The following SUPT5H variants were observed in gnomAD, a reference collection of about 807,000 sequenced individuals.
The protein encoded by SUPT5H is transcription elongation factor SPT5.
In SUPT5H, 24 loss-of-function variants were observed where a neutral mutation model predicts 142.5. That is an observed-to-expected ratio of 0.17 (90% CI 0.12 to 0.24). The LOEUF (loss-of-function observed/expected upper bound fraction) is 0.24. Among genes scored for constraint, SUPT5H ranks in the 10% least tolerant of loss-of-function variants. The pLI is 1.00. For synonymous variants in SUPT5H, 546 were observed against 553.0 expected (o/e 0.99, Z 0.18); for missense variants, 893 against 1,471.8 (o/e 0.61, Z 6.43).
chr19:39,446,634 C>G (rs2078957703), intron 2 of SUPT5H, among the ~76,000 whole-genome samples: 1 of 152,154 alleles, frequency 6.6e-6, no homozygotes, highest in African/African-American at 2.4e-5. Flanking sequence ...AGAGGCCAAG[C>G]TGGGAGGATC....
In SUPT5H at chr19:39,474,725, G is replaced by A. The variant is rs768757761; in HGVS notation, c.3024+7G>A. On this transcript the variant is annotated splice_region_variant and intron_variant, in intron 28 of 29. Coordinates refer to ENST00000432763, the MANE Select transcript of SUPT5H (RefSeq NM_001111020.3). This position sits in a 1 kb window ranked among gnomAD's most constrained non-coding sequence, Gnocchi z 6.5. ...TGTCATCCGCAGTGTCACGGTACGT[G>A]GGGCCCAGGGTGGTGGGTGAGCAGG... 1 of 1,604,874 alleles carries A rather than the reference G, an allele frequency of 6.2e-7. No homozygotes were observed. Among genetic ancestry groups the A allele is most frequent in the African/African-American group, 1.3e-5 (1 of 74,736 alleles).
intron 2 of SUPT5H, among the ~76,000 whole-genome samples, chr19:39,446,576 G>A (rs978750690): frequency 1.3e-5 from 2 of 152,186 alleles, no homozygotes; most frequent in East Asian, 3.9e-4. Context: ...ACCAGCAGGT[G>A]CAGAGATGGG....
chr19:39,458,682 T>G lies in SUPT5H; in HGVS notation c.320-136T>G, dbSNP rs972730040. The stretch of plus-strand genomic sequence containing the variant: ...GTAGGACAGAGTAGGGGATGAGGGG[T>G]TGGGATTTCCTCTGTGAGATGTCAT... On this transcript the variant is annotated intron_variant, in intron 5 of 29. Coordinates refer to ENST00000432763, the MANE Select transcript of SUPT5H (RefSeq NM_001111020.3). This position sits in a 1 kb window ranked among gnomAD's most constrained non-coding sequence, Gnocchi z 4.2. 2 of 829,590 alleles carry G rather than the reference T, an allele frequency of 2.4e-6. No individual in the cohort carries two copies. Among genetic ancestry groups the G allele is most frequent in the African/African-American group, 1.7e-5 (1 of 57,802 alleles). The allele number at this position is 829,590 out of a possible 1,614,324, so 51.4% of individuals were successfully genotyped here. A position where few individuals can be genotyped will look rare whatever the true frequency, so the allele number is the denominator to read the frequency against.
intron 10 of SUPT5H, among the ~76,000 whole-genome samples, chr19:39,462,986 C>A (rs914412331): frequency 2.0e-5 from 3 of 149,676 alleles, no homozygotes; most frequent in African/African-American, 7.4e-5. Flanking sequence ...ATTACAGGCA[C>A]CCACCACCAT....
rs1022884516 is a variant in SUPT5H, at chr19:39,469,705, CTTTG to C, written c.1374+312_1374+315del. ...AACCAAGGAGTAATCTGAGGCTTGA[CTTTG>C]TTTGCTTAGAGCGGGGTGTGTGTTT... On this transcript the variant is annotated intron_variant, in intron 16 of 29. Coordinates refer to ENST00000432763, the MANE Select transcript of SUPT5H (RefSeq NM_001111020.3). This position sits in a 1 kb window ranked among gnomAD's most constrained non-coding sequence, Gnocchi z 5.1. 1.2e-4 allele frequency: 63 copies of C among 513,730 alleles called. No homozygotes were observed. Among genetic ancestry groups the C allele is most frequent in the African/African-American group, 1.1e-3 (58 of 52,106 alleles). The allele number at this position is 513,730 out of a possible 1,614,324, so 31.8% of individuals were successfully genotyped here. A position where few individuals can be genotyped will look rare whatever the true frequency, so the allele number is the denominator to read the frequency against.
chr19:39,463,505 C>T (rs946705126), intron 10 of SUPT5H, among the ~76,000 whole-genome samples: 3 of 152,192 alleles, frequency 2.0e-5, no homozygotes, highest in African/African-American at 4.8e-5. Flanking sequence ...TTTACTGAGA[C>T]GTGTTTTATG....
intron 7 of SUPT5H, 35 bp from the exon 8 acceptor site, chr19:39,459,149 G>A (rs2079128539): frequency 1.9e-6 from 3 of 1,611,782 alleles, no homozygotes; most frequent in South Asian, 2.2e-5. Context: ...ATCTGACAGA[G>A]CTTCACCCCT....
At chr19:39,464,358 A>G (rs1306402579) in intron 10 of SUPT5H, among the ~76,000 whole-genome samples, 1 of 150,248 alleles carries the variant, frequency 6.7e-6, no homozygotes, top group African/African-American at 2.5e-5. Context: ...TCTAATTTTT[A>G]TTTTATTTTT....
At position 39,458,037 on chromosome 19, in the gene SUPT5H, A is replaced by T; in HGVS notation, c.308-257A>T. 1.4e-6 allele frequency: 1 copy of T among 725,802 alleles called. No individual in the cohort carries two copies. The highest frequency in any genetic ancestry group is 2.3e-6 in the Non-Finnish European group (1 of 443,596). 45.0% of individuals were successfully genotyped at this position (725,802 alleles called of 1,614,324 possible). A position where few individuals can be genotyped will look rare whatever the true frequency, so the allele number is the denominator to read the frequency against. ...CGAGCTCTGTCCCAAGATACCCCCC[A>T]CTTCCTGGGCCAGTGCCCCCCTTTC... On this transcript the variant is annotated intron_variant, in intron 4 of 29. Coordinates refer to ENST00000432763, the MANE Select transcript of SUPT5H (RefSeq NM_001111020.3). The surrounding 1 kb of genome is among the most constrained non-coding windows in gnomAD (Gnocchi z 4.2).
chr19:39,466,631 G>C lies in SUPT5H; in HGVS notation c.967-44G>C. The C allele has an allele frequency of 6.2e-7, 1 of 1,613,406 alleles. No homozygotes were observed. Among genetic ancestry groups the C allele is most frequent in the Non-Finnish European group, 8.5e-7 (1 of 1,179,336 alleles). On this transcript the variant is annotated intron_variant, in intron 12 of 29. Coordinates refer to ENST00000432763, the MANE Select transcript of SUPT5H (RefSeq NM_001111020.3). This position sits in a 1 kb window ranked among gnomAD's most constrained non-coding sequence, Gnocchi z 4.3. ...TGTGCTCGATCCCACTGGTGGCCAA[G>C]CCCCCTCCCTCACCCTTCCCACCCA...
intron 10 of SUPT5H, among the ~76,000 whole-genome samples, chr19:39,462,154 C>A (rs1429879112): frequency 2.0e-5 from 3 of 152,128 alleles, no homozygotes; most frequent in African/African-American, 7.2e-5. Flanking sequence ...AGTGATCCAC[C>A]CGCCTTGGCC....
chr19:39,461,303 G>A (rs534536607), intron 10 of SUPT5H, among the ~76,000 whole-genome samples: 3 of 151,588 alleles, frequency 2.0e-5, no homozygotes, highest in East Asian at 2.0e-4. Context: ...GTGGGTAGGG[G>A]GTGGAATGTC....
At chr19:39,464,532 G>A (rs1179026604) in intron 10 of SUPT5H, among the ~76,000 whole-genome samples, 1 of 152,062 alleles carries the variant, frequency 6.6e-6, no homozygotes, top group African/African-American at 2.4e-5. Flanking sequence ...GCTAGTTTTT[G>A]TATTCTTTAA....
In SUPT5H at chr19:39,472,952, G is replaced by A; in HGVS notation, c.2155+23G>A. 1 of 1,611,852 alleles carries A rather than the reference G, an allele frequency of 6.2e-7. No homozygotes were observed. Among genetic ancestry groups the A allele is most frequent in the South Asian group, 1.1e-5 (1 of 91,002 alleles). On this transcript the variant is annotated intron_variant, in intron 22 of 29. Coordinates refer to ENST00000432763, the MANE Select transcript of SUPT5H (RefSeq NM_001111020.3). The surrounding 1 kb of genome is among the most constrained non-coding windows in gnomAD (Gnocchi z 4.2). ...AAGGTGACCTGCGAGGCCTGTGGAG[G>A]CCTGGGGAGGGGCATGGTGAAGGAG...
chr19:39,471,961 A>G (rs1409850111), intron 20 of SUPT5H: 1 of 618,778 alleles, frequency 1.6e-6, no homozygotes. Context: ...GGTGCCAGAC[A>G]CTGGAGAACC....
Position 39,469,482 on chromosome 19 carries a change from G to C in SUPT5H, c.1374+84G>C, listed in dbSNP as rs1413534205. 1.3e-6 allele frequency: 2 copies of C among 1,577,974 alleles called. No individual in the cohort carries two copies. Among genetic ancestry groups the C allele is most frequent in the East Asian group, 2.3e-5 (1 of 44,116 alleles). The stretch of plus-strand genomic sequence containing the variant: ...TGGCTGTCGAGGCGGTGGTGTGCCT[G>C]GTGACACCTGGTTTCCAGGAGGGTA... On this transcript the variant is annotated intron_variant, in intron 16 of 29. Transcript: ENST00000432763. This position sits in a 1 kb window ranked among gnomAD's most constrained non-coding sequence, Gnocchi z 5.1.
In SUPT5H at chr19:39,466,945, G is replaced by A. The variant is rs749222448; in HGVS notation, c.1037+200G>A. The A allele has an allele frequency of 2.2e-5, 13 of 598,678 alleles. No individual in the cohort carries two copies. The highest frequency in any genetic ancestry group is 9.3e-5 in the African/African-American group (5 of 53,964). 37.1% of individuals were successfully genotyped at this position (598,678 alleles called of 1,614,324 possible). On this transcript the variant is annotated intron_variant, in intron 13 of 29. Transcript: ENST00000432763. The surrounding 1 kb of genome is among the most constrained non-coding windows in gnomAD (Gnocchi z 4.3). ...GCTATAAAGATTGATGAGGCTGGGC[G>A]CAGCGGGAGGGAGCACTTTGGAAGG... is the stretch of plus-strand genomic sequence containing the variant.
At chr19:39,465,953 C>G (rs1407215250) in intron 11 of SUPT5H, among the ~76,000 whole-genome samples, 1 of 152,198 alleles carries the variant, frequency 6.6e-6, no homozygotes, top group African/African-American at 2.4e-5. Flanking sequence ...CATCCCAAAT[C>G]TGAAAATCCA....
intron 1 of SUPT5H, 72 bp from the exon 2 acceptor site, chr19:39,445,732 G>A: frequency 1.3e-6 from 1 of 780,176 alleles, no homozygotes; most frequent in Non-Finnish European, 2.1e-6. Context: ...GCGTAGGAGG[G>A]GGTCCTCACT....
Sources: allele counts gnomAD v4.1 joint callset (sites outside exome capture counted in the v4.1 genomes callset), GRCh38; gene constraint gnomAD v4.1.1; non-coding constraint Gnocchi (gnomAD v3.1); transcripts MANE v1.5; gene names NCBI Gene and HGNC (gene_info 2026-07-23, HGNC 2026-07-21).